ALK: variants seen among roughly 807,000 people sequenced by gnomAD.
ALK encodes ALK receptor tyrosine kinase.
ALK carries 74 observed loss-of-function variants against 163.1 expected under a neutral mutation model. The observed-to-expected ratio is 0.45, with a 90% CI of 0.38 to 0.55. The LOEUF (loss-of-function observed/expected upper bound fraction) is 0.55. ALK is among the 20% of genes least tolerant of loss of function. The pLI is 0.00. For synonymous variants in ALK, 960 were observed against 843.2 expected, an observed-to-expected ratio of 1.14 and a Z score of -2.40; for missense variants, 2,063 against 2,105.3, an observed-to-expected ratio of 0.98 and a Z score of 0.39.
At chr2:29,671,046 T>C (rs1677668781) in intron 3 of ALK, among the ~76,000 whole-genome samples, 1 of 152,060 alleles carries the variant, frequency 6.6e-6, no homozygotes, top group South Asian at 2.1e-4. Context: ...GGTTCCCTGT[T>C]AGCTGTTGTT....
intron 15 of ALK, among the ~76,000 whole-genome samples, chr2:29,230,015 T>C (rs912595200): frequency 9.9e-5 from 15 of 152,192 alleles, no homozygotes; most frequent in African/African-American, 2.9e-4. Context: ...CTGCTAACCT[T>C]TGAGATTCCA....
chr2:29,755,079 A>AG (rs1553357053), intron 1 of ALK, among the ~76,000 whole-genome samples: 2 of 151,804 alleles, frequency 1.3e-5, no homozygotes, highest in Non-Finnish European at 1.5e-5. Context: ...CAGCTTCTCT[A>AG]AGGGTACCAA....
rs770534992 is a variant in ALK at position 29,694,935 on chromosome 2, G to A, written c.867C>T (p.Ser289=). The change falls in exon 3 of 29, where the codon TCC becomes TCT. Residue 289 remains serine (S), a synonymous_variant. Transcript: ENST00000389048. ...CCTCCTCGGAGGGGATGCGGCGCCA[G>A]GACCAGCTCTGGTTCCTGAGGTCAT... ...PLHDLRNQSW[S]WRRIPSEEAS... is the part of the protein sequence containing the mutation. 9.9e-6 allele frequency: 16 copies of A among 1,614,136 alleles called. No individual in the cohort carries two copies. The East Asian group carries it at 2.0e-4, about 20-fold the overall frequency.
chr2:29,529,135 C>T (rs1022417273), intron 4 of ALK, among the ~76,000 whole-genome samples: 1 of 152,212 alleles, frequency 6.6e-6, no homozygotes, highest in Non-Finnish European at 1.5e-5. Context: ...GCTCCTGCCC[C>T]ACCCGTGCAC....
At chr2:29,713,852 T>TA (rs201653251) in intron 2 of ALK, among the ~76,000 whole-genome samples, 21 of 151,804 alleles carry the variant, frequency 1.4e-4, no homozygotes, top group African/African-American at 4.9e-4. Context: ...TTTTTTTTTT[T>TA]AAATAAATGA....
chr2:29,313,087 G>A (rs1666736710), intron 8 of ALK, among the ~76,000 whole-genome samples: 1 of 152,184 alleles, frequency 6.6e-6, no homozygotes, highest in Non-Finnish European at 1.5e-5. Flanking sequence ...AGCATTGCTT[G>A]GCCATGCATG....
intron 4 of ALK, among the ~76,000 whole-genome samples, chr2:29,506,376 G>A (rs1476579829): frequency 1.3e-5 from 2 of 152,180 alleles, no homozygotes; most frequent in Non-Finnish European, 2.9e-5. Context: ...ATTAGAGAAT[G>A]AGACACTCAT....
rs376017857 is a variant in ALK at position 29,508,108 on chromosome 2, C to T, written c.1154+23807G>A. On this transcript the variant is annotated intron_variant, in intron 4 of 28. Coordinates refer to ENST00000389048, the MANE Select transcript of ALK (RefSeq NM_004304.5). ...TGGGGAGTGCACTGAGAAACTGCCACCCTACAGGGTCTGGCTGGCTTTCTT... is the reference window on the plus strand; with the variant it reads ...TGGGGAGTGCACTGAGAAACTGCCATCCTACAGGGTCTGGCTGGCTTTCTT... Among the ~76,000 whole-genome samples, 8 of 152,154 alleles carry T rather than the reference C, an allele frequency of 5.3e-5. 1 individual carries two copies. In the East Asian group the frequency reaches 9.6e-4, roughly 18 times the overall value.
chr2:29,660,953 T>C (rs938570292), intron 3 of ALK, among the ~76,000 whole-genome samples: 1 of 152,136 alleles, frequency 6.6e-6, no homozygotes, highest in Non-Finnish European at 1.5e-5. Context: ...CTCCCTCAAC[T>C]TCTCATTTGG....
chr2:29,679,385 C>T (rs897395109), intron 3 of ALK, among the ~76,000 whole-genome samples: 8 of 151,418 alleles, frequency 5.3e-5, no homozygotes, highest in African/African-American at 9.7e-5. Context: ...TACTTTTCAG[C>T]GTACCATTTT....
intron 1 of ALK, among the ~76,000 whole-genome samples, chr2:29,844,499 G>A (rs1287138682): frequency 6.6e-6 from 1 of 152,188 alleles, no homozygotes; most frequent in Non-Finnish European, 1.5e-5. Context: ...AAAAAGGCCT[G>A]TAAACCTCTG....
intron 3 of ALK, among the ~76,000 whole-genome samples, chr2:29,694,509 T>G (rs1030839801): frequency 2.6e-5 from 4 of 152,260 alleles, no homozygotes; most frequent in African/African-American, 9.6e-5. Flanking sequence ...GCTGTTCATC[T>G]GAAATTCAAA....
At chr2:29,467,086 T>C (rs1440955345) in intron 4 of ALK, among the ~76,000 whole-genome samples, 2 of 152,118 alleles carry the variant, frequency 1.3e-5, no homozygotes, top group East Asian at 1.9e-4. Flanking sequence ...TCACATACAA[T>C]AGTTGATACA....
chr2:29,477,024 G>A (rs1671542363), intron 4 of ALK, among the ~76,000 whole-genome samples: 1 of 152,194 alleles, frequency 6.6e-6, no homozygotes, highest in Non-Finnish European at 1.5e-5. Flanking sequence ...GGGTGGAGCA[G>A]CAGGATCTAG....
chr2:29,329,178 G>T (rs957570725), intron 5 of ALK, among the ~76,000 whole-genome samples: 1 of 152,144 alleles, frequency 6.6e-6, no homozygotes, highest in Non-Finnish European at 1.5e-5. Context: ...TTTATCCAGA[G>T]GGGGAAGGGA....
intron 1 of ALK, among the ~76,000 whole-genome samples, chr2:29,873,768 T>C (rs1666634688): frequency 6.6e-6 from 1 of 151,932 alleles, no homozygotes; most frequent in Non-Finnish European, 1.5e-5. Flanking sequence ...GTTCCTCTGA[T>C]ATGAAAATGC....
chr2:29,322,513 G>A (rs542741551), intron 6 of ALK, among the ~76,000 whole-genome samples: 5 of 152,328 alleles, frequency 3.3e-5, no homozygotes, highest in Admixed American at 3.3e-4. Context: ...ACCTTCTCAT[G>A]GAGTGTCCTT....
At chr2:29,378,638 G>A (rs1261818271) in intron 5 of ALK, among the ~76,000 whole-genome samples, 1 of 152,198 alleles carries the variant, frequency 6.6e-6, no homozygotes. Context: ...GTGCATGGAA[G>A]AGCTAGATGA....
intron 4 of ALK, among the ~76,000 whole-genome samples, chr2:29,420,218 A>G (rs1156477349): frequency 6.6e-6 from 1 of 151,032 alleles, no homozygotes; most frequent in Admixed American, 6.6e-5. Flanking sequence ...CATCATACAA[A>G]TCCAACTTTT....
Sources: allele counts gnomAD v4.1 joint callset (sites outside exome capture counted in the v4.1 genomes callset), GRCh38; gene constraint gnomAD v4.1.1; transcripts MANE v1.5; gene names NCBI Gene and HGNC (gene_info 2026-07-23, HGNC 2026-07-21).